The following TSHZ2 variants were observed in gnomAD, a reference collection of about 807,000 sequenced individuals.
TSHZ2 encodes teashirt homolog 2.
TSHZ2 carries 21 observed loss-of-function variants against 74.4 expected under a neutral mutation model. The observed-to-expected ratio is 0.28, with a 90% CI of 0.20 to 0.41. The LOEUF (loss-of-function observed/expected upper bound fraction) is 0.41, where lower values mean the gene tolerates loss of function less well. Among genes scored for constraint, TSHZ2 ranks in the 10% least tolerant of loss-of-function variants. TSHZ2 has a pLI of 1.00. For missense variants in TSHZ2, 1,244 were observed against 1,293.5 expected (o/e 0.96, Z 0.59); for synonymous variants, 540 against 515.3 (o/e 1.05, Z -0.65).
At chr20:52,996,421 T>A (rs1982197784) in intron 1 of TSHZ2, among the ~76,000 whole-genome samples, 1 of 151,984 alleles carries the variant, frequency 6.6e-6, no homozygotes, top group Non-Finnish European at 1.5e-5. Context: ...TTTTTGTATG[T>A]CAGGAATGAA....
intron 1 of TSHZ2, among the ~76,000 whole-genome samples, chr20:53,164,333 C>G (rs1487131046): frequency 1.3e-5 from 2 of 151,766 alleles, no homozygotes; most frequent in Non-Finnish European, 2.9e-5. Context: ...TCACCTTTGC[C>G]TTTTATTTTG....
intron 2 of TSHZ2, among the ~76,000 whole-genome samples, chr20:53,472,815 C>T (rs1175251471): frequency 2.6e-5 from 4 of 151,700 alleles, no homozygotes; most frequent in African/African-American, 7.3e-5. Context: ...GTGCGCGAGC[C>T]GAAGCAGGGT....
intron 2 of TSHZ2, among the ~76,000 whole-genome samples, chr20:53,465,287 G>T (rs1323387962): frequency 1.3e-5 from 2 of 152,010 alleles, no homozygotes; most frequent in African/African-American, 4.8e-5. Flanking sequence ...GTGTGTGTGT[G>T]TGAGACAGAG....
chr20:53,067,566 C>T (rs1314295456), intron 1 of TSHZ2, among the ~76,000 whole-genome samples: 2 of 152,220 alleles, frequency 1.3e-5, no homozygotes, highest in African/African-American at 4.8e-5. Flanking sequence ...ATGTCCATGC[C>T]AGCGCCTCAC....
chr20:53,110,465 A>T (rs916759668), intron 1 of TSHZ2, among the ~76,000 whole-genome samples: 3 of 152,176 alleles, frequency 2.0e-5, no homozygotes, highest in Admixed American at 6.5e-5. Context: ...TCAGATCTGG[A>T]ATTCTAAAAG....
intron 2 of TSHZ2, among the ~76,000 whole-genome samples, chr20:53,301,965 G>A (rs1381813783): frequency 6.6e-6 from 1 of 152,154 alleles, no homozygotes; most frequent in Non-Finnish European, 1.5e-5. Context: ...AAGGAAAAGT[G>A]GGGGGAAAAT....
intron 2 of TSHZ2, among the ~76,000 whole-genome samples, chr20:53,390,317 A>G (rs1303848766): frequency 6.6e-6 from 1 of 152,174 alleles, no homozygotes; most frequent in East Asian, 1.9e-4. Context: ...TTCATTTTAC[A>G]TCCTTGATCT....
At position 53,190,086 on chromosome 20, in the gene TSHZ2, A is replaced by AATATATATATATATATAT. The variant is rs544193424; in HGVS notation, c.41-63378_41-63361dup. On this transcript the variant is annotated intron_variant, in intron 1 of 2. Coordinates refer to ENST00000371497, the MANE Select transcript of TSHZ2 (RefSeq NM_173485.6). ...GGTGACCAAACAAGACCCTGTCTCA[A>AATATATATATATATATAT]ATATATATATATATATATATATATA... is the stretch of plus-strand genomic sequence containing the variant. Among the ~76,000 whole-genome samples the AATATATATATATATATAT allele has an allele frequency of 2.7e-3, 67 of 25,074 alleles. 2 individuals are homozygous for AATATATATATATATATAT. Among genetic ancestry groups the AATATATATATATATATAT allele is most frequent in the Non-Finnish European group, 4.1e-3 (40 of 9,670 alleles). 16.4% of individuals were successfully genotyped at this position (25,074 alleles called of 152,430 possible). A position where few individuals can be genotyped will look rare whatever the true frequency, so the allele number is the denominator to read the frequency against.
At position 53,228,746 on chromosome 20, in the gene TSHZ2, C is replaced by G. The variant is rs8120139; in HGVS notation, c.41-24753C>G. Among the ~76,000 whole-genome samples, 924 of 149,186 alleles carry G rather than the reference C, an allele frequency of 6.2e-3. 10 individuals carry two copies. Among genetic ancestry groups the G allele is most frequent in the African/African-American group, 0.022 (894 of 40,004 alleles). On this transcript the variant is annotated intron_variant, in intron 1 of 2. Transcript: ENST00000371497. The stretch of plus-strand genomic sequence containing the variant: ...CCGAGTTGAGACAACCAAAATTGTC[C>G]TCTGCCCATTGGATGCCAGTGGCAC...
chr20:53,199,417 T>C (rs763243629), intron 1 of TSHZ2, among the ~76,000 whole-genome samples: 1 of 152,236 alleles, frequency 6.6e-6, no homozygotes, highest in Admixed American at 6.5e-5. Flanking sequence ...GAAGTTGCAG[T>C]GAGCCAAGAT....
rs1217798559 is a variant in TSHZ2 at position 53,116,254 on chromosome 20, T to TGAA, written c.41-137245_41-137244insGAA. Among the ~76,000 whole-genome samples the TGAA allele has an allele frequency of 3.1e-3, 472 of 152,326 alleles. 2 individuals carry two copies. Among genetic ancestry groups the TGAA allele is most frequent in the African/African-American group, 0.011 (459 of 41,568 alleles). On this transcript the variant is annotated intron_variant, in intron 1 of 2. Coordinates refer to ENST00000371497, the MANE Select transcript of TSHZ2 (RefSeq NM_173485.6). ...AAAATGATGAAAAAGGAATGCACAT[T>TGAA]TAAGGAGGGAGGGGAGATGCCCTAG...
chr20:53,232,400 T>A (rs1989845993), intron 1 of TSHZ2, among the ~76,000 whole-genome samples: 1 of 152,218 alleles, frequency 6.6e-6, no homozygotes, highest in Non-Finnish European at 1.5e-5. Flanking sequence ...CTGATAAGAC[T>A]GAGCTCCAAG....
chr20:53,305,826 A>G (rs780748825), intron 2 of TSHZ2, among the ~76,000 whole-genome samples: 5 of 152,056 alleles, frequency 3.3e-5, no homozygotes, highest in Non-Finnish European at 7.4e-5. Flanking sequence ...AAAAATACAA[A>G]AATTAGCCAG....
intron 2 of TSHZ2, among the ~76,000 whole-genome samples, chr20:53,482,063 G>T (rs984687220): frequency 7.5e-6 from 1 of 132,680 alleles, no homozygotes; most frequent in Non-Finnish European, 1.5e-5. Context: ...GAGATATCGT[G>T]CCATTGCACT....
At chr20:53,201,305 TG>T (rs1237138253) in intron 1 of TSHZ2, among the ~76,000 whole-genome samples, 2 of 152,220 alleles carry the variant, frequency 1.3e-5, no homozygotes, top group African/African-American at 4.8e-5. Context: ...CTAAAATGGA[TG>T]TGTCAGTAGG....
chr20:53,019,836 A>T (rs993401447), intron 1 of TSHZ2, among the ~76,000 whole-genome samples: 3 of 152,178 alleles, frequency 2.0e-5, no homozygotes, highest in African/African-American at 4.8e-5. Flanking sequence ...AGAAAGTCTC[A>T]TGAAGGTTGG....
At chr20:53,264,108 C>T (rs935146160) in intron 2 of TSHZ2, among the ~76,000 whole-genome samples, 1 of 152,200 alleles carries the variant, frequency 6.6e-6, no homozygotes, top group Non-Finnish European at 1.5e-5. Context: ...TACTCATTGC[C>T]GGCGTAGCTT....
chr20:53,227,282 T>C (rs1989706559), intron 1 of TSHZ2, among the ~76,000 whole-genome samples: 1 of 152,124 alleles, frequency 6.6e-6, no homozygotes, highest in Non-Finnish European at 1.5e-5. Flanking sequence ...CCGTGCAGCC[T>C]CTGTCTATTT....
At chr20:53,286,886 TACACACACAC>T (rs71194467) in intron 2 of TSHZ2, among the ~76,000 whole-genome samples, 8,055 of 139,500 alleles carry the variant, frequency 0.058, 363 homozygotes, top group African/African-American at 0.13. Context: ...GTCTCAAAAA[TACACACACAC>T]ACACACACAC....
Sources: allele counts gnomAD v4.1 joint callset (sites outside exome capture counted in the v4.1 genomes callset), GRCh38; gene constraint gnomAD v4.1.1; transcripts MANE v1.5; gene names NCBI Gene and HGNC (gene_info 2026-07-23, HGNC 2026-07-21).